Variants in MOSMO observed in about 807,000 individuals in gnomAD.
The protein encoded by MOSMO is modulator of smoothened protein.
A neutral mutation model predicts 18.4 loss-of-function variants in MOSMO; 5 were observed. That is an observed-to-expected ratio of 0.27 (90% CI 0.14 to 0.57). The LOEUF is 0.57. MOSMO is among the 20% of genes least tolerant of loss of function. The pLI, the probability that MOSMO is intolerant of heterozygous loss-of-function variation, is 0.92. For synonymous variants in MOSMO, 82 were observed against 82.3 expected (o/e 1.00, Z 0.02); for missense variants, 138 against 211.8 (o/e 0.65, Z 2.16).
At chr16:22,054,645 T>C (rs1024722267) in intron 1 of MOSMO, among the ~76,000 whole-genome samples, 3 of 152,190 alleles carry the variant, frequency 2.0e-5, no homozygotes, top group African/African-American at 7.2e-5. Flanking sequence ...TTCTCTTCAA[T>C]TCTTAGTAAT....
At chr16:22,069,256 C>A (rs950583396) in intron 1 of MOSMO, among the ~76,000 whole-genome samples, 1 of 152,040 alleles carries the variant, frequency 6.6e-6, no homozygotes, top group South Asian at 2.1e-4. Flanking sequence ...GAGGGAACAG[C>A]ATATATGAGG....
intron 2 of MOSMO, 78 bp downstream of exon 2, chr16:22,075,777 C>T: frequency 9.4e-7 from 1 of 1,059,146 alleles, no homozygotes; most frequent in African/African-American, 1.6e-5. Context: ...AATCAAGAAT[C>T]AGTAATAAGG....
At chr16:22,089,846 A>G (rs1901261555), downstream of MOSMO, among the ~76,000 whole-genome samples, 1 of 152,008 alleles carries the variant, frequency 6.6e-6, no homozygotes, top group Non-Finnish European at 1.5e-5. Flanking sequence ...TTGCCACCAA[A>G]CATGGAACAA....
chr16:22,052,437 G>A (rs1900445790), intron 1 of MOSMO, among the ~76,000 whole-genome samples: 1 of 152,118 alleles, frequency 6.6e-6, no homozygotes, highest in Admixed American at 6.5e-5. Flanking sequence ...TAACCCCTTT[G>A]GAAAACAATT....
chr16:22,059,572 CTT>C (rs750350536), intron 1 of MOSMO, among the ~76,000 whole-genome samples: 3 of 152,124 alleles, frequency 2.0e-5, no homozygotes, highest in Non-Finnish European at 4.4e-5. Context: ...TCTCAGGAAA[CTT>C]ATAATCATGG....
chr16:22,058,142 T>C (rs961864154), intron 1 of MOSMO, among the ~76,000 whole-genome samples: 14 of 152,076 alleles, frequency 9.2e-5, no homozygotes, highest in African/African-American at 3.1e-4. Context: ...AAACAGTTGT[T>C]CTAGGCCGGG....
intron 1 of MOSMO, among the ~76,000 whole-genome samples, chr16:22,029,622 A>AATTT (rs1183847376): frequency 7.9e-5 from 12 of 152,054 alleles, no homozygotes; most frequent in Admixed American, 1.3e-4. Context: ...TTAATTAACT[A>AATTT]ATTTATTTAT....
intron 1 of MOSMO, among the ~76,000 whole-genome samples, chr16:22,038,650 A>G (rs1427656351): frequency 6.6e-6 from 1 of 152,184 alleles, no homozygotes; most frequent in East Asian, 1.9e-4. Flanking sequence ...TGGGAGTGAT[A>G]ATACTGGTAG....
intron 2 of MOSMO, among the ~76,000 whole-genome samples, chr16:22,080,184 G>A (rs1302980447): frequency 6.6e-6 from 1 of 152,114 alleles, no homozygotes; most frequent in Admixed American, 6.5e-5. Context: ...ACAGAGAATT[G>A]TCAGAATAGT....
At chr16:22,043,288 C>CT (rs1375608046) in intron 1 of MOSMO, among the ~76,000 whole-genome samples, 4 of 152,092 alleles carry the variant, frequency 2.6e-5, no homozygotes, top group African/African-American at 7.2e-5. Context: ...AAGTTTTCTG[C>CT]TTTTTTTCAT....
chr16:22,037,283 C>T (rs1444286479), intron 1 of MOSMO, among the ~76,000 whole-genome samples: 1 of 151,930 alleles, frequency 6.6e-6, no homozygotes, highest in Non-Finnish European at 1.5e-5. Flanking sequence ...AAAAGGAAAA[C>T]GAAACAAAAA....
At chr16:22,089,330 G>T (rs1901248473), downstream of MOSMO, among the ~76,000 whole-genome samples, 1 of 152,144 alleles carries the variant, frequency 6.6e-6, no homozygotes, top group South Asian at 2.1e-4. Context: ...GACCTCCAAA[G>T]TGCTGGGATT....
At chr16:22,032,113 G>A (rs116809670) in intron 1 of MOSMO, among the ~76,000 whole-genome samples, 9,183 of 151,406 alleles carry the variant, frequency 0.061, 879 homozygotes, top group African/African-American at 0.21. Flanking sequence ...ATGATGTAGC[G>A]CATCTTTCCA....
At chr16:22,089,190 C>T (rs1181125133), downstream of MOSMO, among the ~76,000 whole-genome samples, 3 of 152,072 alleles carry the variant, frequency 2.0e-5, no homozygotes, top group African/African-American at 7.2e-5. Flanking sequence ...ACCTCAGCTT[C>T]CCAAGTAGCT....
chr16:22,015,835 T>G (rs924126869), intron 1 of MOSMO, among the ~76,000 whole-genome samples: 5 of 152,162 alleles, frequency 3.3e-5, no homozygotes, highest in African/African-American at 1.2e-4. Flanking sequence ...TAAATGTTTT[T>G]GGAGAAGGGG....
intron 1 of MOSMO, among the ~76,000 whole-genome samples, chr16:22,029,035 C>A (rs989174615): frequency 2.0e-5 from 3 of 152,082 alleles, no homozygotes; most frequent in Non-Finnish European, 2.9e-5. Flanking sequence ...CCATGCCCGG[C>A]TAATTTTTGT....
In MOSMO at chr16:22,050,359, T is replaced by C. The variant is rs547575171; in HGVS notation, c.107-25128T>C. ...AATTGGTTAGGTCTGATCATTTCTA[T>C]GAATAGAAGGAAGTATTGAAGGTAA... is the stretch of plus-strand genomic sequence containing the variant. On this transcript the variant is annotated intron_variant, in intron 1 of 2. Transcript: ENST00000542527. Among the ~76,000 whole-genome samples the C allele has an allele frequency of 2.6e-4, 40 of 152,286 alleles. 1 individual carries two copies. Among genetic ancestry groups the C allele is most frequent in the Non-Finnish European group, 4.9e-4 (33 of 68,010 alleles).
At chr16:22,080,435 G>A (rs946630411) in intron 2 of MOSMO, among the ~76,000 whole-genome samples, 1 of 152,174 alleles carries the variant, frequency 6.6e-6, no homozygotes, top group African/African-American at 2.4e-5. Context: ...TGAGGATTTG[G>A]TAGGTTTGGA....
chr16:22,044,202 C>G (rs1286139097), intron 1 of MOSMO, among the ~76,000 whole-genome samples: 3 of 151,980 alleles, frequency 2.0e-5, no homozygotes, highest in Admixed American at 6.6e-5. Flanking sequence ...CCAAACCACA[C>G]CATATATAAA....
Sources: allele counts gnomAD v4.1 joint callset (sites outside exome capture counted in the v4.1 genomes callset), GRCh38; gene constraint gnomAD v4.1.1; transcripts MANE v1.5; gene names NCBI Gene and HGNC (gene_info 2026-07-23, HGNC 2026-07-21).